MEF2C: variants seen among roughly 807,000 people sequenced by gnomAD.
MEF2C encodes the protein myocyte enhancer factor 2C.
A neutral mutation model predicts 50.5 loss-of-function variants in MEF2C; 6 were observed. That is an observed-to-expected ratio of 0.12 (90% CI 0.07 to 0.23). MEF2C has a LOEUF of 0.23. Ranked by LOEUF, MEF2C falls within the 10% of genes least tolerant of loss-of-function variation. The pLI, the probability that MEF2C is intolerant of heterozygous loss-of-function variation, is 1.00. For missense variants in MEF2C, 276 were observed against 605.0 expected (o/e 0.46, Z 5.70); for synonymous variants, 183 against 228.0 (o/e 0.80, Z 1.78).
At chr5:88,891,020 T>C (rs1302840363) in intron 1 of MEF2C, among the ~76,000 whole-genome samples, 2 of 152,192 alleles carry the variant, frequency 1.3e-5, no homozygotes, top group Non-Finnish European at 2.9e-5. Context: ...AGTACCCTTT[T>C]ACAAGAAAAA....
rs970280643 is a variant in MEF2C at position 88,736,573 on chromosome 5, G to A, written c.638-4672C>T. ...CTGGGCCTCTGGTCTCTACTTGAGGGGTTCTTCACCAGGCCTTAAGAGGAG... is the reference window on the plus strand; with the variant it reads ...CTGGGCCTCTGGTCTCTACTTGAGGAGTTCTTCACCAGGCCTTAAGAGGAG... On this transcript the variant is annotated intron_variant, in intron 6 of 10. Coordinates refer to ENST00000504921, the MANE Select transcript of MEF2C (RefSeq NM_002397.5). 2.0e-5 allele frequency: 19 copies of A among 953,956 alleles called. No homozygotes were observed. The African/African-American group carries it at 3.1e-4, about 15-fold the overall frequency. 59.1% of individuals were successfully genotyped at this position (953,956 alleles called of 1,614,324 possible). A position where few individuals can be genotyped will look rare whatever the true frequency, so the allele number is the denominator to read the frequency against.
rs1051872831 is a variant in MEF2C, at chr5:88,721,082, T to C, written c.*1522A>G. On this transcript the variant is annotated 3_prime_UTR_variant, in exon 11 of 11. Transcript: ENST00000504921. ...TTCTTCTGTGGGAATTTATAACTTA[T>C]TCACCAAGTAAATTCCATATCACTT... The C allele has an allele frequency of 1.3e-5, 2 of 152,630 alleles. No homozygotes were observed. Among genetic ancestry groups the C allele is most frequent in the African/African-American group, 2.4e-5 (1 of 41,464 alleles). The allele number at this position is 152,630 out of a possible 1,614,324, so 9.5% of individuals were successfully genotyped here. A position where few individuals can be genotyped will look rare whatever the true frequency, so the allele number is the denominator to read the frequency against.
intron 2 of MEF2C, among the ~76,000 whole-genome samples, chr5:88,813,329 A>G (rs1410125291): frequency 1.3e-5 from 2 of 152,196 alleles, no homozygotes; most frequent in East Asian, 3.9e-4. Flanking sequence ...AATGTAAATA[A>G]CAAGTTCTAA....
intron 1 of MEF2C, among the ~76,000 whole-genome samples, chr5:88,870,836 C>T (rs1348451250): frequency 6.6e-6 from 1 of 152,058 alleles, no homozygotes; most frequent in Non-Finnish European, 1.5e-5. Flanking sequence ...AAAACCCTTT[C>T]GGGTTCAAGT....
At chr5:88,830,112 C>T (rs957262552) in intron 1 of MEF2C, among the ~76,000 whole-genome samples, 3 of 151,890 alleles carry the variant, frequency 2.0e-5, no homozygotes, top group Admixed American at 2.0e-4. Context: ...ACAATAATCA[C>T]CAAATGAAGA....
intron 2 of MEF2C, among the ~76,000 whole-genome samples, chr5:88,822,857 T>C (rs1049369672): frequency 6.6e-6 from 1 of 151,978 alleles, no homozygotes; most frequent in African/African-American, 2.4e-5. Context: ...GCAGGTTCCA[T>C]GATCCATATG....
At chr5:88,793,183 T>A (rs1468509652) in intron 3 of MEF2C, among the ~76,000 whole-genome samples, 1 of 152,168 alleles carries the variant, frequency 6.6e-6, no homozygotes, top group Non-Finnish European at 1.5e-5. Context: ...GCTTCAAGGA[T>A]GACTTTCCAA....
chr5:88,887,499 C>T (rs758083488), upstream of MEF2C: 46 of 152,178 alleles, frequency 3.0e-4, no homozygotes, highest in Admixed American at 1.2e-3. Context: ...TGTGAGCACT[C>T]ACCACATACA....
chr5:88,893,100 A>G (rs1272958783), intron 1 of MEF2C, among the ~76,000 whole-genome samples: 1 of 152,210 alleles, frequency 6.6e-6, no homozygotes, highest in East Asian at 1.9e-4. Flanking sequence ...TGAGATGTTT[A>G]TGATTTATAC....
At chr5:88,830,884 A>G (rs1812749615) in intron 1 of MEF2C, among the ~76,000 whole-genome samples, 1 of 152,088 alleles carries the variant, frequency 6.6e-6, no homozygotes, top group Admixed American at 6.6e-5. Context: ...CCTCTCAGTA[A>G]GCACATGCAG....
At chr5:88,826,735 G>A (rs955988809) in intron 1 of MEF2C, among the ~76,000 whole-genome samples, 4 of 151,918 alleles carry the variant, frequency 2.6e-5, no homozygotes, top group African/African-American at 9.7e-5. Context: ...TATGAAAAAG[G>A]AATATAACAG....
At chr5:88,750,967 G>A in intron 5 of MEF2C, 3 of 463,900 alleles carry the variant, frequency 6.5e-6, no homozygotes, top group Non-Finnish European at 8.5e-6. Context: ...AATATATAAT[G>A]GTTTGCTGTA....
At chr5:88,856,019 C>T (rs1823197173) in intron 1 of MEF2C, among the ~76,000 whole-genome samples, 1 of 152,108 alleles carries the variant, frequency 6.6e-6, no homozygotes, top group Non-Finnish European at 1.5e-5. Context: ...TCTGAAACTT[C>T]CTAGAGACTT....
intron 1 of MEF2C, among the ~76,000 whole-genome samples, chr5:88,860,106 C>A (rs985800389): frequency 1.3e-5 from 2 of 152,050 alleles, no homozygotes; most frequent in South Asian, 2.1e-4. Flanking sequence ...CTGTGAAACC[C>A]TATGTTTCAC....
rs1242864039 is a variant in MEF2C at position 88,750,195 on chromosome 5, T to C, written c.590-1078A>G. On this transcript the variant is annotated intron_variant, in intron 5 of 10. Transcript: ENST00000504921. ...GAAAATGTTTGTTTATATATATACA[T>C]ATATATACACGATTTTTTTTTTTTT... 12 of 585,340 alleles carry C rather than the reference T, an allele frequency of 2.1e-5. No homozygotes were observed. In the East Asian group the frequency reaches 1.4e-3, roughly 70 times the overall value. The allele number at this position is 585,340 out of a possible 1,614,324, so 36.3% of individuals were successfully genotyped here.
intron 1 of MEF2C, among the ~76,000 whole-genome samples, chr5:88,862,736 C>A (rs1170478807): frequency 6.6e-6 from 1 of 152,178 alleles, no homozygotes; most frequent in African/African-American, 2.4e-5. Context: ...ATCAGGCCAT[C>A]CTTCCTTTCA....
At position 88,719,992 on chromosome 5, in the gene MEF2C, C is replaced by T. The variant is rs890732999; in HGVS notation, c.*2612G>A. The T allele has an allele frequency of 6.6e-6, 1 of 152,166 alleles. No individual in the cohort carries two copies. The highest frequency in any genetic ancestry group is 1.5e-5 in the Non-Finnish European group (1 of 68,020). 9.4% of individuals were successfully genotyped at this position (152,166 alleles called of 1,614,324 possible). A position where few individuals can be genotyped will look rare whatever the true frequency, so the allele number is the denominator to read the frequency against. On this transcript the variant is annotated 3_prime_UTR_variant, in exon 11 of 11. Transcript: ENST00000504921. The stretch of plus-strand genomic sequence containing the variant: ...TTTTCTTTGTTGCTGAGGCAAATTG[C>T]AGGTTAAAAAACTAATATGGCTATT...
intron 1 of MEF2C, among the ~76,000 whole-genome samples, chr5:88,824,704 C>T (rs1810063411): frequency 6.6e-6 from 1 of 151,788 alleles, no homozygotes; most frequent in Non-Finnish European, 1.5e-5. Flanking sequence ...AGCCATCCTT[C>T]CTTTAAATTT....
chr5:88,884,799 C>CAAAAAA (rs34331976), upstream of MEF2C, among the ~76,000 whole-genome samples: 1 of 109,278 alleles, frequency 9.2e-6, no homozygotes, highest in Non-Finnish European at 2.0e-5. Flanking sequence ...CTTTTCCTTA[C>CAAAAAA]AAAAAAAAAA....
Sources: gnomAD v4.1 joint callset for allele counts (sites outside exome capture counted in the v4.1 genomes callset) on GRCh38, gnomAD v4.1.1 for gene constraint, MANE v1.5 for transcripts, NCBI Gene and HGNC (gene_info 2026-07-23, HGNC 2026-07-21) for gene names.